The following COL21A1 variants were observed in gnomAD, a reference collection of about 807,000 sequenced individuals.
COL21A1 encodes collagen alpha-1(XXI) chain.
A neutral mutation model predicts 137.9 loss-of-function variants in COL21A1; 149 were observed. The ratio of observed to expected loss-of-function variants is 1.08; its 90% CI spans 0.95 to 1.24. COL21A1 has a LOEUF of 1.24. Ranked by LOEUF, COL21A1 falls within the 50% of genes most tolerant of loss-of-function variation. COL21A1 has a pLI of 0.00. For synonymous variants in COL21A1, 456 were observed against 391.5 expected, an observed-to-expected ratio of 1.16 and a Z score of -1.95; for missense variants, 1,167 against 1,158.4, an observed-to-expected ratio of 1.01 and a Z score of -0.11.
chr6:56,174,681 C>G (rs116792711), intron 3 of COL21A1, among the ~76,000 whole-genome samples: 5 of 152,052 alleles, frequency 3.3e-5, no homozygotes, highest in Admixed American at 2.0e-4. Context: ...AACACCCCAA[C>G]AATAAAAGCC....
intron 1 of COL21A1, among the ~76,000 whole-genome samples, chr6:56,346,762 C>A (rs527333374): frequency 6.6e-6 from 1 of 152,164 alleles, no homozygotes; most frequent in African/African-American, 2.4e-5. Context: ...AGAGCTGTAC[C>A]GCTCCTCTCA....
chr6:56,281,797 G>A (rs1763791289), intron 1 of COL21A1, among the ~76,000 whole-genome samples: 1 of 152,150 alleles, frequency 6.6e-6, no homozygotes, highest in Non-Finnish European at 1.5e-5. Context: ...AGAAGACTGA[G>A]TACAGGCATA....
At chr6:56,118,143 T>TA (rs1554138692) in intron 16 of COL21A1, among the ~76,000 whole-genome samples, 111 of 874 alleles carry the variant, frequency 0.13, no homozygotes, top group East Asian at 0.44. Context: ...AACAAAAAGT[T>TA]GTTTTTTTTG....
At chr6:56,205,099 G>C (rs749077393) in intron 1 of COL21A1, among the ~76,000 whole-genome samples, 2 of 151,906 alleles carry the variant, frequency 1.3e-5, no homozygotes, top group Admixed American at 6.6e-5. Flanking sequence ...ATCACAACTC[G>C]CTAGCAAGGG....
At chr6:56,333,539 T>C (rs1339685160) in intron 1 of COL21A1, among the ~76,000 whole-genome samples, 2 of 152,132 alleles carry the variant, frequency 1.3e-5, no homozygotes, top group Non-Finnish European at 2.9e-5. Context: ...TCACTTGATG[T>C]ACATTGGGGT....
chr6:56,222,984 T>A (rs976414531), intron 1 of COL21A1, among the ~76,000 whole-genome samples: 1 of 152,050 alleles, frequency 6.6e-6, no homozygotes, highest in Non-Finnish European at 1.5e-5. Flanking sequence ...GTATTTTTTT[T>A]TTATTAAATG....
In COL21A1 at chr6:56,200,319, T is replaced by C. The variant is rs150529711; in HGVS notation, c.-38-17663A>G. Reference sequence around the variant, plus strand: ...ATCATGATCTGCTTTTTTTAAATTATTATACTTTAAGTTTTAGGGTACATG... The same window carrying C: ...ATCATGATCTGCTTTTTTTAAATTACTATACTTTAAGTTTTAGGGTACATG... On this transcript the variant is annotated intron_variant, in intron 1 of 29. Coordinates refer to ENST00000244728, the MANE Select transcript of COL21A1 (RefSeq NM_030820.4). Among the ~76,000 whole-genome samples, 8 of 152,298 alleles carry C rather than the reference T, an allele frequency of 5.3e-5. No individual in the cohort carries two copies. The East Asian group carries it at 1.4e-3, about 26-fold the overall frequency.
intron 1 of COL21A1, among the ~76,000 whole-genome samples, chr6:56,282,419 A>T (rs1188654756): frequency 6.6e-6 from 1 of 152,224 alleles, no homozygotes; most frequent in South Asian, 2.1e-4. Context: ...CCAGAAAAAA[A>T]CTAAAATTAC....
At position 56,074,225 on chromosome 6, in the gene COL21A1, T is replaced by C. The variant is rs377292352; in HGVS notation, c.1965+7A>G. On this transcript the variant is annotated splice_region_variant and intron_variant, in intron 20 of 29. Transcript: ENST00000244728. ...GTTCCCAGTCTTGTTTATTTTATCA[T>C]ATTTACCTTAGATCCCGGTGTTCCA... 1.3e-6 allele frequency: 2 copies of C among 1,573,130 alleles called. No individual in the cohort carries two copies. The highest frequency in any genetic ancestry group is 1.4e-5 in the African/African-American group (1 of 72,622).
At chr6:56,152,845 T>A (rs544855266) in intron 10 of COL21A1, among the ~76,000 whole-genome samples, 1 of 152,284 alleles carries the variant, frequency 6.6e-6, no homozygotes, top group Non-Finnish European at 1.5e-5. Flanking sequence ...GCAGATGACA[T>A]CAGTGTGTGA....
intron 16 of COL21A1, among the ~76,000 whole-genome samples, chr6:56,121,732 G>A (rs1483149201): frequency 6.6e-6 from 1 of 151,676 alleles, no homozygotes; most frequent in Non-Finnish European, 1.5e-5. Flanking sequence ...CTGTGTACAG[G>A]GTTGGGAAGT....
In COL21A1 at chr6:56,113,827, T is replaced by A. The variant is rs565995229; in HGVS notation, c.1758+10235A>T. On this transcript the variant is annotated intron_variant, in intron 16 of 29. Transcript: ENST00000244728. ...TGGACCTGCCTTGGGCCACAGGGGA[T>A]CCCACTGCCCTAAAGAGTGAGTCCC... Among the ~76,000 whole-genome samples, 20 of 152,202 alleles carry A rather than the reference T, an allele frequency of 1.3e-4. No homozygotes were observed. In the South Asian group the frequency reaches 4.2e-3, roughly 32 times the overall value.
At chr6:56,191,857 C>T (rs781769742) in intron 1 of COL21A1, among the ~76,000 whole-genome samples, 1 of 152,056 alleles carries the variant, frequency 6.6e-6, no homozygotes, top group Non-Finnish European at 1.5e-5. Flanking sequence ...CTACTTTAAA[C>T]TTCATATAGA....
intron 1 of COL21A1, among the ~76,000 whole-genome samples, chr6:56,224,140 A>G (rs1260271070): frequency 6.6e-6 from 1 of 152,134 alleles, no homozygotes; most frequent in African/African-American, 2.4e-5. Flanking sequence ...CACTATGCAC[A>G]TAGCATCTAT....
At chr6:56,263,353 G>C (rs1410576227) in intron 1 of COL21A1, among the ~76,000 whole-genome samples, 1 of 152,166 alleles carries the variant, frequency 6.6e-6, no homozygotes, top group Non-Finnish European at 1.5e-5. Context: ...CAAAGACTTA[G>C]AGAAAGGTCT....
At chr6:56,281,950 T>C (rs368994682) in intron 1 of COL21A1, among the ~76,000 whole-genome samples, 6 of 152,282 alleles carry the variant, frequency 3.9e-5, no homozygotes, top group South Asian at 4.1e-4. Context: ...CCAGAAAAAC[T>C]TAGGAAATTT....
chr6:56,250,385 C>G (rs1379629770), upstream of COL21A1, among the ~76,000 whole-genome samples: 1 of 152,144 alleles, frequency 6.6e-6, no homozygotes, highest in African/African-American at 2.4e-5. Context: ...CATGCTTTGG[C>G]TGGCCTCGGG....
chr6:56,202,724 A>G (rs978930093), intron 1 of COL21A1, among the ~76,000 whole-genome samples: 1 of 152,230 alleles, frequency 6.6e-6, no homozygotes, highest in Non-Finnish European at 1.5e-5. Flanking sequence ...ACTATATTAC[A>G]TAATATCCGT....
chr6:56,375,298 C>G (rs1347706412), intron 1 of COL21A1, among the ~76,000 whole-genome samples: 1 of 152,180 alleles, frequency 6.6e-6, no homozygotes, highest in Admixed American at 6.5e-5. Context: ...ACTTCTCCAC[C>G]CAGCTCTCTA....
Sources: gnomAD v4.1 joint callset for allele counts (sites outside exome capture counted in the v4.1 genomes callset) on GRCh38, gnomAD v4.1.1 for gene constraint, MANE v1.5 for transcripts, NCBI Gene and HGNC (gene_info 2026-07-23, HGNC 2026-07-21) for gene names.